The following RGS7BP variants were observed in gnomAD, a reference collection of about 807,000 sequenced individuals.
RGS7BP encodes regulator of G protein signaling 7 binding protein.
RGS7BP carries 9 observed loss-of-function variants against 31.3 expected under a neutral mutation model. That is an observed-to-expected ratio of 0.29 (90% confidence interval 0.17 to 0.50). The LOEUF is 0.50. Among genes scored for constraint, RGS7BP ranks in the 20% least tolerant of loss-of-function variants. The pLI is 0.98. For missense variants in RGS7BP, 274 were observed against 322.0 expected, an observed-to-expected ratio of 0.85 and a Z score of 1.14; for synonymous variants, 115 against 120.1, an observed-to-expected ratio of 0.96 and a Z score of 0.28.
At chr5:64,531,764 C>T (rs115196264) in intron 2 of RGS7BP, among the ~76,000 whole-genome samples, 1,931 of 152,282 alleles carry the variant, frequency 0.013, 50 homozygotes, top group African/African-American at 0.043. Flanking sequence ...GGCTTGTTCT[C>T]ACATGATTTT....
intron 4 of RGS7BP, among the ~76,000 whole-genome samples, chr5:64,597,440 G>T (rs957176283): frequency 1.3e-5 from 2 of 151,846 alleles, no homozygotes; most frequent in Non-Finnish European, 2.9e-5. Context: ...CCCATACTGC[G>T]CCCCTTTCTG....
At chr5:64,573,166 T>G (rs4454024) in intron 2 of RGS7BP, among the ~76,000 whole-genome samples, 120,822 of 151,546 alleles carry the variant, frequency 0.8, 48,464 homozygotes, top group Admixed American at 0.84. Context: ...TTTTATGGCT[T>G]CATAGTATTC....
chr5:64,532,634 C>T (rs1749401131), intron 2 of RGS7BP, among the ~76,000 whole-genome samples: 1 of 152,148 alleles, frequency 6.6e-6, no homozygotes, highest in Non-Finnish European at 1.5e-5. Context: ...GCATCAGCTG[C>T]TAAAAACCTC....
chr5:64,565,774 T>C lies in RGS7BP; in HGVS notation c.333-10000T>C, dbSNP rs190709486. ...GTTTACAGTCCAGTGAAGAAACTCA[T>C]GGTGGAAGATGATATTTTCCATGTA... is the stretch of plus-strand genomic sequence containing the variant. On this transcript the variant is annotated intron_variant, in intron 2 of 5. Transcript: ENST00000334025. Among the ~76,000 whole-genome samples the C allele has an allele frequency of 9.8e-4, 149 of 152,300 alleles. 1 individual carries two copies. In the Middle Eastern group the frequency reaches 0.048, roughly 49 times the overall value.
intron 5 of RGS7BP, among the ~76,000 whole-genome samples, chr5:64,599,493 C>A (rs753820821): frequency 6.6e-6 from 1 of 152,098 alleles, no homozygotes; most frequent in African/African-American, 2.4e-5. Context: ...GTGAGAACAC[C>A]AGATGAAGAG....
intron 2 of RGS7BP, among the ~76,000 whole-genome samples, chr5:64,551,219 T>C (rs1464542155): frequency 6.6e-6 from 1 of 151,456 alleles, no homozygotes; most frequent in Non-Finnish European, 1.5e-5. Context: ...TATAGAAGCA[T>C]CCTGTGTCTT....
intron 3 of RGS7BP, among the ~76,000 whole-genome samples, chr5:64,593,186 AGTTCCACTATAG>A (rs993008510): frequency 1.3e-4 from 20 of 152,160 alleles, no homozygotes; most frequent in African/African-American, 4.8e-4. Context: ...GAATATTCCG[AGTTCCACTATAG>A]GTTCCACTAT....
At chr5:64,573,280 T>C (rs1473095204) in intron 2 of RGS7BP, among the ~76,000 whole-genome samples, 1 of 152,080 alleles carries the variant, frequency 6.6e-6, no homozygotes, top group Non-Finnish European at 1.5e-5. Flanking sequence ...ATACATTGCT[T>C]TACCTCTCTT....
chr5:64,515,503 C>T (rs1748948398), intron 2 of RGS7BP, among the ~76,000 whole-genome samples: 1 of 152,096 alleles, frequency 6.6e-6, no homozygotes, highest in Non-Finnish European at 1.5e-5. Context: ...GTTAATAAAT[C>T]AGTTACCATT....
intron 2 of RGS7BP, among the ~76,000 whole-genome samples, chr5:64,508,129 C>T (rs1421966422): frequency 6.6e-6 from 1 of 152,140 alleles, no homozygotes; most frequent in Non-Finnish European, 1.5e-5. Context: ...ATTTTCAATA[C>T]TCTGGCCACA....
chr5:64,565,480 G>A lies in RGS7BP; in HGVS notation c.333-10294G>A, dbSNP rs528242415. Among the ~76,000 whole-genome samples the A allele has an allele frequency of 2.0e-5, 3 of 151,908 alleles. No individual in the cohort carries two copies. In the South Asian group the frequency reaches 6.3e-4, roughly 32 times the overall value. On this transcript the variant is annotated intron_variant, in intron 2 of 5. Coordinates refer to ENST00000334025, the MANE Select transcript of RGS7BP (RefSeq NM_001029875.3). ...TTCTACGTATCTGCATAAAAGTTCTGTTTATACGTATTATTTTTTATAAAA... is the reference window on the plus strand; with the variant it reads ...TTCTACGTATCTGCATAAAAGTTCTATTTATACGTATTATTTTTTATAAAA...
At chr5:64,514,498 T>C (rs1748921282) in intron 2 of RGS7BP, among the ~76,000 whole-genome samples, 2 of 152,208 alleles carry the variant, frequency 1.3e-5, no homozygotes, top group African/African-American at 4.8e-5. Flanking sequence ...GCCCAATGTT[T>C]AATCATCTGC....
intron 2 of RGS7BP, among the ~76,000 whole-genome samples, chr5:64,529,525 A>C (rs1211863380): frequency 6.6e-6 from 1 of 152,194 alleles, no homozygotes; most frequent in African/African-American, 2.4e-5. Context: ...AGTGGTTACC[A>C]AGCTTGTGAT....
intron 3 of RGS7BP, among the ~76,000 whole-genome samples, chr5:64,582,542 GTATACCA>G (rs1742629230): frequency 6.6e-6 from 1 of 152,108 alleles, no homozygotes; most frequent in Non-Finnish European, 1.5e-5. Context: ...TCCTTTGAAG[GTATACCA>G]TCCTCCCTTC....
chr5:64,584,218 T>C (rs1742681807), intron 3 of RGS7BP, among the ~76,000 whole-genome samples: 1 of 152,212 alleles, frequency 6.6e-6, no homozygotes, highest in Non-Finnish European at 1.5e-5. Flanking sequence ...TTCAAAACCA[T>C]GCTTAATAGC....
At position 64,586,441 on chromosome 5, in the gene RGS7BP, A is replaced by AC. The variant is rs574945914; in HGVS notation, c.464-8265dup. Among the ~76,000 whole-genome samples the AC allele has an allele frequency of 4.6e-3, 693 of 151,862 alleles. 3 individuals are homozygous for AC. Among genetic ancestry groups the AC allele is most frequent in the Non-Finnish European group, 6.8e-3 (465 of 67,922 alleles). ...CATATGACCCATCCTACCTCACCCT[A>AC]CCCCTGTCCCTTTCACTTGGCTCAT... On this transcript the variant is annotated intron_variant, in intron 3 of 5. Transcript: ENST00000334025.
intron 2 of RGS7BP, among the ~76,000 whole-genome samples, chr5:64,508,771 GA>G (rs2111867773): frequency 6.6e-6 from 1 of 152,302 alleles, no homozygotes; most frequent in South Asian, 2.1e-4. Flanking sequence ...TATCGCAGCA[GA>G]AGTTCAAATT....
chr5:64,583,624 G>T (rs986862185), intron 3 of RGS7BP, among the ~76,000 whole-genome samples: 4 of 152,170 alleles, frequency 2.6e-5, no homozygotes, highest in Non-Finnish European at 5.9e-5. Context: ...AAGTGACTGG[G>T]TGGCTACTTT....
intron 3 of RGS7BP, among the ~76,000 whole-genome samples, chr5:64,585,138 T>C (rs150074531): frequency 4.3e-4 from 66 of 152,222 alleles, no homozygotes; most frequent in African/African-American, 1.6e-3. Flanking sequence ...TCAGTCAGTA[T>C]GAAAACTGCC....
Sources: gnomAD v4.1 joint callset for allele counts (sites outside exome capture counted in the v4.1 genomes callset) on GRCh38, gnomAD v4.1.1 for gene constraint, MANE v1.5 for transcripts, NCBI Gene and HGNC (gene_info 2026-07-23, HGNC 2026-07-21) for gene names.